Variants in RFPL4A observed in about 807,000 individuals in gnomAD.
The protein encoded by RFPL4A is ret finger protein-like 4A.
Under a neutral mutation model 8.3 loss-of-function variants are expected in RFPL4A, and 4 were observed. That is an observed-to-expected ratio of 0.48 (90% CI 0.24 to 1.10). The LOEUF is 1.10. Among genes scored for constraint, RFPL4A ranks in the 50% least tolerant of loss-of-function variants. The pLI is 0.18. For missense variants in RFPL4A, 111 were observed against 358.7 expected, an observed-to-expected ratio of 0.31 and a Z score of 5.58; for synonymous variants, 43 against 136.6, an observed-to-expected ratio of 0.31 and a Z score of 4.78.
upstream of RFPL4A, among the ~76,000 whole-genome samples, chr19:55,757,931 T>G (rs1470876521): frequency 1.3e-5 from 2 of 152,090 alleles, no homozygotes; most frequent in Non-Finnish European, 2.9e-5. Flanking sequence ...GAGGGATCAG[T>G]GCTCCAGGAA....
At chr19:55,762,306 A>G (rs1242066895) in intron 2 of RFPL4A, among the ~76,000 whole-genome samples, 1 of 150,698 alleles carries the variant, frequency 6.6e-6, no homozygotes, top group Non-Finnish European at 1.5e-5. Context: ...TCTTTCTTGT[A>G]TCATATGTGC....
chr19:55,763,110 C>T lies in RFPL4A; in HGVS notation c.799C>T (p.Leu267=). 1 of 1,547,550 alleles carries T rather than the reference C, an allele frequency of 6.5e-7. No homozygotes were observed. The highest frequency in any genetic ancestry group is 1.2e-5 in the South Asian group (1 of 83,930). The change falls in exon 3 of 3, where the codon CTG becomes TTG. Residue 267 remains leucine (L), a synonymous_variant. Transcript: ENST00000434937. Reference sequence around the variant, plus strand: ...TGGAAGTCAAGATGATCAGAGCATCCTGAGTATCTGTTCTGTGATCAATCC... The same window carrying T: ...TGGAAGTCAAGATGATCAGAGCATCTTGAGTATCTGTTCTGTGATCAATCC... ...KRGSQDDQSI[L]SICSVINPSA...
Position 55,761,877 on chromosome 19 carries a change from G to A in RFPL4A, c.77G>A (p.Cys26Tyr). ...KDLEEAVQLKCGYACCLQCLN... is the reference protein window; with the variant it reads ...KDLEEAVQLKYGYACCLQCLN... ...CTTGAAGAAGCCGTGCAACTGAAAT[G>A]TGGATATGCCTGCTGCCTCCAGTGC... Residue 26 changes from cysteine (C) to tyrosine (Y), a missense_variant, in exon 2 of 3, where the codon TGT (cysteine) becomes TAT (tyrosine). Coordinates refer to ENST00000434937, the MANE Select transcript of RFPL4A (RefSeq NM_001145014.2). The A allele has an allele frequency of 6.7e-7, 1 of 1,500,482 alleles. No individual in the cohort carries two copies. The highest frequency in any genetic ancestry group is 9.0e-7 in the Non-Finnish European group (1 of 1,107,442). The allele number at this position is 1,500,482 out of a possible 1,614,324, so 92.9% of individuals were successfully genotyped here.
At position 55,761,659 on chromosome 19, in the gene RFPL4A, C is replaced by T. The variant is rs566259550; in HGVS notation, c.-9-133C>T. 55 of 1,347,310 alleles carry T rather than the reference C, an allele frequency of 4.1e-5. 2 individuals are homozygous for T. Among genetic ancestry groups the T allele is most frequent in the African/African-American group, 1.3e-4 (8 of 62,078 alleles). 83.5% of individuals were successfully genotyped at this position (1,347,310 alleles called of 1,614,324 possible). ...GACATTTGTATTCATGTTGTGTCTT[C>T]GTCACTAGCAGTAGTGATTTTAAGT... On this transcript the variant is annotated intron_variant, in intron 1 of 2. Transcript: ENST00000434937.
At chr19:55,762,163 A>T in intron 2 of RFPL4A, 77 bp downstream of exon 2, 1 of 1,484,654 alleles carries the variant, frequency 6.7e-7, no homozygotes, top group Non-Finnish European at 9.2e-7. Context: ...TTCATTAAAC[A>T]TAGGCATTAG....
upstream of RFPL4A, among the ~76,000 whole-genome samples, chr19:55,758,307 A>T (rs567543145): frequency 6.6e-6 from 1 of 152,428 alleles, no homozygotes; most frequent in Admixed American, 6.5e-5. Context: ...ATTACTGTGG[A>T]GATGATTAAA....
intron 1 of RFPL4A, among the ~76,000 whole-genome samples, chr19:55,760,486 T>C (rs1247210134): frequency 6.6e-6 from 1 of 151,650 alleles, no homozygotes; most frequent in Non-Finnish European, 1.5e-5. Flanking sequence ...GGGTTTCTAT[T>C]TTTGTCAGTC....
At chr19:55,760,329 A>G (rs999491121) in intron 1 of RFPL4A, among the ~76,000 whole-genome samples, 1 of 151,516 alleles carries the variant, frequency 6.6e-6, no homozygotes, top group African/African-American at 2.4e-5. Context: ...GCCAGTTTCC[A>G]GGTTCTGGAT....
At chr19:55,757,654 T>C (rs866930317), upstream of RFPL4A, among the ~76,000 whole-genome samples, 2 of 152,084 alleles carry the variant, frequency 1.3e-5, no homozygotes, top group African/African-American at 4.8e-5. Flanking sequence ...TTGGAAAAGA[T>C]GTGGAAAGTA....
chr19:55,757,618 G>T (rs1248023553), upstream of RFPL4A, among the ~76,000 whole-genome samples: 1 of 152,028 alleles, frequency 6.6e-6, no homozygotes, highest in Non-Finnish European at 1.5e-5. Context: ...GAAGCCAGCG[G>T]AGCTGCTTTC....
intron 1 of RFPL4A, among the ~76,000 whole-genome samples, chr19:55,759,658 G>A (rs1989242938): frequency 6.6e-6 from 1 of 151,590 alleles, no homozygotes; most frequent in South Asian, 2.1e-4. Context: ...GCCAGATGCT[G>A]GGACCCACCT....
Position 55,761,501 on chromosome 19 carries a change from T to C in RFPL4A, c.-9-291T>C, listed in dbSNP as rs1489492581. 4.2e-5 allele frequency among the ~76,000 whole-genome samples: 6 copies of C among 142,264 alleles called. 1 individual carries two copies. Among genetic ancestry groups the C allele is most frequent in the Non-Finnish European group, 9.4e-5 (6 of 63,846 alleles). 93.3% of individuals were successfully genotyped at this position (142,264 alleles called of 152,430 possible). A position where few individuals can be genotyped will look rare whatever the true frequency, so the allele number is the denominator to read the frequency against. On this transcript the variant is annotated intron_variant, in intron 1 of 2. Coordinates refer to ENST00000434937, the MANE Select transcript of RFPL4A (RefSeq NM_001145014.2). Reference sequence around the variant, plus strand: ...CATTTCAGGTCTCAATAGCCATTTGTCACTGGTGGCTACCATATGAAACAG... The same window carrying C: ...CATTTCAGGTCTCAATAGCCATTTGCCACTGGTGGCTACCATATGAAACAG...
Position 55,761,785 on chromosome 19 carries a change from T to G in RFPL4A, c.-9-7T>G, listed in dbSNP as rs1056683290. On this transcript the variant is annotated splice_region_variant and splice_polypyrimidine_tract_variant and intron_variant, in intron 1 of 2. Transcript: ENST00000434937. ...ATTCTAATTCTGTGTTCATTTTTTT[T>G]CTATAGACATTTGCCATGGCTGAGC... 50 of 1,408,932 alleles carry G rather than the reference T, an allele frequency of 3.5e-5. 9 individuals carry two copies. Among genetic ancestry groups the G allele is most frequent in the Non-Finnish European group, 4.6e-5 (47 of 1,030,286 alleles). 87.3% of individuals were successfully genotyped at this position (1,408,932 alleles called of 1,614,324 possible).
chr19:55,757,380 A>G (rs1443888862), upstream of RFPL4A, among the ~76,000 whole-genome samples: 3 of 151,898 alleles, frequency 2.0e-5, no homozygotes, highest in East Asian at 1.9e-4. Flanking sequence ...TAATTAAAAA[A>G]AAAAAGAAAA....
chr19:55,762,117 A>G, intron 2 of RFPL4A, 31 bp downstream of exon 2: 1 of 1,532,190 alleles, frequency 6.5e-7, no homozygotes, highest in South Asian at 1.2e-5. Context: ...GCCACAACCC[A>G]TAAAAGGCAC....
chr19:55,762,358 T>C (rs1242129716), intron 2 of RFPL4A, among the ~76,000 whole-genome samples: 4 of 150,834 alleles, frequency 2.7e-5, no homozygotes, highest in Non-Finnish European at 5.9e-5. Flanking sequence ...CACTAACTTA[T>C]TTCGAAAGGC....
At chr19:55,758,472 T>C (rs1256420889), upstream of RFPL4A, among the ~76,000 whole-genome samples, 1 of 151,884 alleles carries the variant, frequency 6.6e-6, no homozygotes, top group Non-Finnish European at 1.5e-5. Flanking sequence ...AAAGAGGAAA[T>C]GAATCTCATT....
chr19:55,759,699 A>ATTTTTTTTTTTTTTTTTT (rs1568614250), intron 1 of RFPL4A, among the ~76,000 whole-genome samples: 1 of 151,314 alleles, frequency 6.6e-6, no homozygotes, highest in East Asian at 2.0e-4. Context: ...TATTTCTTTA[A>ATTTTTTTTTTTTTTTTTT]TTGTTTTGAG....
chr19:55,757,710 C>T (rs1034318478), upstream of RFPL4A, among the ~76,000 whole-genome samples: 7 of 152,086 alleles, frequency 4.6e-5, no homozygotes, highest in African/African-American at 1.7e-4. Context: ...AATCCTAAGA[C>T]GCTATTCTCT....
Sources: gnomAD v4.1 joint callset for allele counts (sites outside exome capture counted in the v4.1 genomes callset) on GRCh38, gnomAD v4.1.1 for gene constraint, MANE v1.5 for transcripts, NCBI Gene and HGNC (gene_info 2026-07-23, HGNC 2026-07-21) for gene names.